Variants in NEGR1 observed in about 807,000 individuals in gnomAD.
The protein encoded by NEGR1 is neuronal growth regulator 1.
In NEGR1, 10 loss-of-function variants were observed where a neutral mutation model predicts 40.9. The observed-to-expected ratio is 0.24, with a 90% CI of 0.15 to 0.42. NEGR1 has a LOEUF of 0.42. Ranked by LOEUF, NEGR1 falls within the 10% of genes least tolerant of loss-of-function variation. The pLI is 1.00. For missense variants in NEGR1, 352 were observed against 438.9 expected (o/e 0.80, Z 1.77); for synonymous variants, 185 against 166.8 (o/e 1.11, Z -0.84).
chr1:71,849,715 A>G (rs1659540063), intron 2 of NEGR1, among the ~76,000 whole-genome samples: 1 of 152,212 alleles, frequency 6.6e-6, no homozygotes, highest in African/African-American at 2.4e-5. Flanking sequence ...AAATTGCCAC[A>G]GTCACCCCAA....
intron 2 of NEGR1, among the ~76,000 whole-genome samples, chr1:71,793,676 T>C (rs954496255): frequency 6.6e-6 from 1 of 152,136 alleles, no homozygotes; most frequent in Non-Finnish European, 1.5e-5. Flanking sequence ...AACATTGGAT[T>C]CATCAAGTGA....
intron 3 of NEGR1, among the ~76,000 whole-genome samples, chr1:71,721,721 G>C (rs564670322): frequency 7.9e-5 from 12 of 152,184 alleles, no homozygotes; most frequent in African/African-American, 2.6e-4. Context: ...CAAATAACCT[G>C]TAGGAGGCCA....
chr1:71,994,239 A>G (rs979622109), intron 1 of NEGR1, among the ~76,000 whole-genome samples: 1 of 152,194 alleles, frequency 6.6e-6, no homozygotes, highest in Non-Finnish European at 1.5e-5. Context: ...TATAAAACTC[A>G]TCACAACGGC....
chr1:72,110,545 AATT>A (rs1238935659), intron 1 of NEGR1, among the ~76,000 whole-genome samples: 6 of 151,654 alleles, frequency 4.0e-5, no homozygotes, highest in Admixed American at 2.6e-4. Flanking sequence ...TTCAACGCTG[AATT>A]ATTATTTTTA....
At chr1:71,549,200 T>G (rs921954343) in intron 6 of NEGR1, among the ~76,000 whole-genome samples, 4 of 151,760 alleles carry the variant, frequency 2.6e-5, no homozygotes, top group African/African-American at 4.8e-5. Flanking sequence ...TCAGAATACA[T>G]TAGACAATAC....
chr1:72,145,196 GGATAA>G (rs536057976), intron 1 of NEGR1, among the ~76,000 whole-genome samples: 1 of 151,746 alleles, frequency 6.6e-6, no homozygotes, highest in African/African-American at 2.4e-5. Flanking sequence ...TAAATATCTG[GGATAA>G]GATAACACTA....
chr1:71,646,447 A>G (rs1193969295), intron 4 of NEGR1, among the ~76,000 whole-genome samples: 1 of 151,832 alleles, frequency 6.6e-6, no homozygotes, highest in African/African-American at 2.4e-5. Flanking sequence ...TGCCAGAAAT[A>G]TCAAGAAATT....
intron 1 of NEGR1, among the ~76,000 whole-genome samples, chr1:72,232,053 C>A (rs1654383161): frequency 6.6e-6 from 1 of 151,962 alleles, no homozygotes; most frequent in Non-Finnish European, 1.5e-5. Flanking sequence ...GCCTTGGAAT[C>A]TTTATTTTAA....
chr1:71,684,247 A>G (rs1002655346), intron 4 of NEGR1, among the ~76,000 whole-genome samples: 4 of 151,994 alleles, frequency 2.6e-5, no homozygotes, highest in Non-Finnish European at 5.9e-5. Flanking sequence ...CTCCAGCCTG[A>G]GTGACACAGC....
chr1:72,077,394 CT>C (rs1180289388), intron 1 of NEGR1, among the ~76,000 whole-genome samples: 4 of 152,040 alleles, frequency 2.6e-5, no homozygotes, highest in Admixed American at 6.6e-5. Flanking sequence ...CTGAAGCTCC[CT>C]TTTTCTTGTC....
At chr1:71,845,381 C>A (rs1052498724) in intron 2 of NEGR1, among the ~76,000 whole-genome samples, 1 of 151,896 alleles carries the variant, frequency 6.6e-6, no homozygotes, top group African/African-American at 2.4e-5. Context: ...AAAATCAGAT[C>A]TTGAGATGGG....
chr1:71,409,354 A>G (rs1274590994), intron 6 of NEGR1, among the ~76,000 whole-genome samples: 1 of 152,098 alleles, frequency 6.6e-6, no homozygotes, highest in African/African-American at 2.4e-5. Flanking sequence ...AAGGACCAAA[A>G]ATATGTAAAG....
chr1:72,089,300 G>A (rs1384829678), intron 1 of NEGR1, among the ~76,000 whole-genome samples: 1 of 152,156 alleles, frequency 6.6e-6, no homozygotes. Context: ...TCTGTAAAAT[G>A]AGGATAAGAA....
At chr1:71,937,306 G>GAA (rs2100235941) in intron 1 of NEGR1, among the ~76,000 whole-genome samples, 1 of 152,292 alleles carries the variant, frequency 6.6e-6, no homozygotes, top group Admixed American at 6.5e-5. Context: ...ACAATATGCA[G>GAA]AAAGAAGATA....
chr1:71,577,817 A>T (rs1389378653), intron 6 of NEGR1, among the ~76,000 whole-genome samples: 2 of 152,176 alleles, frequency 1.3e-5, no homozygotes, highest in Non-Finnish European at 2.9e-5. Flanking sequence ...CGTTGAATTC[A>T]ACTATTGTTA....
chr1:72,144,064 TGTGAG>T (rs1309355286), intron 1 of NEGR1, among the ~76,000 whole-genome samples: 2 of 90,262 alleles, frequency 2.2e-5, no homozygotes, highest in African/African-American at 8.4e-5. Flanking sequence ...CCTCAAATGC[TGTGAG>T]GTAAGATTTT....
chr1:71,750,204 A>C (rs2101686632), intron 3 of NEGR1, among the ~76,000 whole-genome samples: 2 of 151,842 alleles, frequency 1.3e-5, no homozygotes, highest in Admixed American at 1.3e-4. Context: ...CTTGTTAACC[A>C]GGATGGTCTC....
chr1:71,907,875 A>G (rs1218288756), intron 2 of NEGR1, among the ~76,000 whole-genome samples: 2 of 152,172 alleles, frequency 1.3e-5, no homozygotes, highest in Non-Finnish European at 2.9e-5. Context: ...GCTGGAGGCC[A>G]TTGTCCTAAG....
chr1:71,713,461 A>G (rs971148248), intron 3 of NEGR1, among the ~76,000 whole-genome samples: 4 of 152,216 alleles, frequency 2.6e-5, no homozygotes, highest in Non-Finnish European at 4.4e-5. Context: ...GTCTCCATCA[A>G]AGGAGTGTTT....
Sources: gnomAD v4.1 joint callset for allele counts (sites outside exome capture counted in the v4.1 genomes callset) on GRCh38, gnomAD v4.1.1 for gene constraint, MANE v1.5 for transcripts, NCBI Gene and HGNC (gene_info 2026-07-23, HGNC 2026-07-21) for gene names.